Variants in PREX2 observed in about 807,000 individuals in gnomAD.
The protein encoded by PREX2 is phosphatidylinositol 3,4,5-trisphosphate-dependent Rac exchanger 2 protein.
In PREX2, 107 loss-of-function variants were observed where a neutral mutation model predicts 203.2. The observed-to-expected ratio is 0.53, with a 90% CI of 0.45 to 0.62. PREX2 has a LOEUF of 0.62. Among genes scored for constraint, PREX2 ranks in the 20% least tolerant of loss-of-function variants. The pLI is 0.00. For missense variants in PREX2, 1,777 were observed against 1,955.9 expected (o/e 0.91, Z 1.72); for synonymous variants, 672 against 663.6 (o/e 1.01, Z -0.19).
intron 38 of PREX2, among the ~76,000 whole-genome samples, chr8:68,221,496 T>G (rs1812952813): frequency 6.6e-6 from 1 of 152,230 alleles, no homozygotes; most frequent in Non-Finnish European, 1.5e-5. Context: ...ATATACTTAA[T>G]GCACTTAAAA....
At chr8:68,030,807 C>A in intron 6 of PREX2, 149 bp downstream of exon 6, 1 of 754,492 alleles carries the variant, frequency 1.3e-6, no homozygotes, top group Non-Finnish European at 2.2e-6. Context: ...TGCTCACTTT[C>A]ATCATTATTT....
chr8:68,057,579 C>T (rs7009954), intron 10 of PREX2, among the ~76,000 whole-genome samples: 44,393 of 152,072 alleles, frequency 0.29, 9,000 homozygotes, highest in African/African-American at 0.58. Context: ...TAGCTGGTAG[C>T]AGCTCTTGTG....
At chr8:67,985,037 C>T (rs771748970) in intron 1 of PREX2, among the ~76,000 whole-genome samples, 4 of 151,762 alleles carry the variant, frequency 2.6e-5, no homozygotes, top group Non-Finnish European at 5.9e-5. Context: ...GTAGCGACTA[C>T]GTTGTTCCAG....
chr8:68,190,403 G>C (rs868669431), intron 35 of PREX2, among the ~76,000 whole-genome samples: 1 of 152,100 alleles, frequency 6.6e-6, no homozygotes, highest in Non-Finnish European at 1.5e-5. Flanking sequence ...ATAATATGCA[G>C]CTGTAAAAAA....
intron 10 of PREX2, among the ~76,000 whole-genome samples, chr8:68,059,545 A>G (rs1012063016): frequency 2.0e-5 from 3 of 152,260 alleles, no homozygotes; most frequent in Non-Finnish European, 2.9e-5. Flanking sequence ...AAAACAATGT[A>G]GTAGAACTTT....
At chr8:68,067,315 G>A (rs568547839) in intron 11 of PREX2, among the ~76,000 whole-genome samples, 1 of 152,110 alleles carries the variant, frequency 6.6e-6, no homozygotes, top group East Asian at 1.9e-4. Flanking sequence ...TTGAGTAGCA[G>A]GGACATTTTA....
intron 33 of PREX2, among the ~76,000 whole-genome samples, chr8:68,143,847 T>C (rs987987501): frequency 6.6e-6 from 1 of 152,196 alleles, no homozygotes; most frequent in African/African-American, 2.4e-5. Context: ...CTATAATTCA[T>C]TTTGGGTTAA....
At chr8:67,985,294 G>A (rs532202242) in intron 1 of PREX2, among the ~76,000 whole-genome samples, 1 of 152,244 alleles carries the variant, frequency 6.6e-6, no homozygotes, top group East Asian at 1.9e-4. Flanking sequence ...TTTTGGTAAA[G>A]TAGTAGCTTC....
chr8:68,194,628 TA>T (rs58657916), intron 37 of PREX2, among the ~76,000 whole-genome samples: 39,631 of 139,184 alleles, frequency 0.28, 5,276 homozygotes, highest in East Asian at 0.48. Context: ...TCATCTCTAC[TA>T]AAAAAAAAAA....
chr8:68,089,125 C>T (rs1427455846), intron 19 of PREX2, among the ~76,000 whole-genome samples: 1 of 151,932 alleles, frequency 6.6e-6, no homozygotes, highest in Non-Finnish European at 1.5e-5. Context: ...CCCAGGCTCC[C>T]CTGCCTCCCA....
At chr8:68,078,674 G>A (rs980542370) in intron 15 of PREX2, among the ~76,000 whole-genome samples, 14 of 152,246 alleles carry the variant, frequency 9.2e-5, no homozygotes, top group African/African-American at 2.4e-4. Context: ...GTGAGTTGTC[G>A]TGGAGAAATA....
At chr8:68,107,606 C>T (rs369782321) in intron 23 of PREX2, among the ~76,000 whole-genome samples, 1 of 152,188 alleles carries the variant, frequency 6.6e-6, no homozygotes, top group African/African-American at 2.4e-5. Context: ...GCCTCAGCCT[C>T]CACACCCTAC....
chr8:68,132,613 G>A (rs1443884377), intron 31 of PREX2, among the ~76,000 whole-genome samples: 1 of 152,080 alleles, frequency 6.6e-6, no homozygotes, highest in Non-Finnish European at 1.5e-5. Context: ...GATGTTCAGT[G>A]TTCTTGGTAA....
At chr8:68,173,322 C>G (rs1811915520) in intron 35 of PREX2, among the ~76,000 whole-genome samples, 1 of 152,140 alleles carries the variant, frequency 6.6e-6, no homozygotes, top group South Asian at 2.1e-4. Context: ...CAAGAAAATT[C>G]ATCAGCATAG....
At chr8:68,152,533 T>A (rs1179640537) in intron 34 of PREX2, among the ~76,000 whole-genome samples, 5 of 152,096 alleles carry the variant, frequency 3.3e-5, no homozygotes, top group Non-Finnish European at 7.3e-5. Flanking sequence ...GACGACTCAA[T>A]GGCCAATTAA....
chr8:68,047,500 TATATATAC>T (rs1167991247), intron 8 of PREX2, among the ~76,000 whole-genome samples: 6 of 52,450 alleles, frequency 1.1e-4, no homozygotes, highest in South Asian at 5.1e-4. Flanking sequence ...TATATATATA[TATATATAC>T]ACATACATAT....
At chr8:68,030,940 C>T (rs1013691406) in intron 6 of PREX2, among the ~76,000 whole-genome samples, 11 of 152,058 alleles carry the variant, frequency 7.2e-5, no homozygotes, top group African/African-American at 2.7e-4. Flanking sequence ...TCATGATGAT[C>T]CTGTTCCTCT....
intron 31 of PREX2, among the ~76,000 whole-genome samples, chr8:68,129,689 A>G (rs1212254208): frequency 1.3e-5 from 2 of 152,150 alleles, no homozygotes; most frequent in African/African-American, 2.4e-5. Context: ...TTAAACTTCT[A>G]AACAGCCAAG....
At chr8:68,177,637 T>A (rs2129614376) in intron 35 of PREX2, among the ~76,000 whole-genome samples, 1 of 152,344 alleles carries the variant, frequency 6.6e-6, no homozygotes, top group Non-Finnish European at 1.5e-5. Context: ...TTCCTTCAAC[T>A]TTTATTTTAA....
Sources: allele counts gnomAD v4.1 joint callset (sites outside exome capture counted in the v4.1 genomes callset), GRCh38; gene constraint gnomAD v4.1.1; transcripts MANE v1.5; gene names NCBI Gene and HGNC (gene_info 2026-07-23, HGNC 2026-07-21).